GLRA3: variants seen among roughly 807,000 people sequenced by gnomAD.
The protein encoded by GLRA3 is glycine receptor alpha 3, also known as glycine receptor subunit alpha-3.
GLRA3 carries 44 observed loss-of-function variants against 60.4 expected under a neutral mutation model. That is an observed-to-expected ratio of 0.73 (90% CI 0.57 to 0.94). The LOEUF (loss-of-function observed/expected upper bound fraction) is 0.94. Among genes scored for constraint, GLRA3 ranks in the 40% least tolerant of loss-of-function variants. The pLI, the probability that GLRA3 is intolerant of heterozygous loss-of-function variation, is 0.00. For missense variants in GLRA3, 508 were observed against 564.6 expected (o/e 0.90, Z 1.02); for synonymous variants, 223 against 192.9 (o/e 1.16, Z -1.29).
At chr4:174,670,174 ATTTCT>A (rs1733849869) in intron 7 of GLRA3, among the ~76,000 whole-genome samples, 1 of 152,128 alleles carries the variant, frequency 6.6e-6, no homozygotes. Flanking sequence ...ACTTCCTGGC[ATTTCT>A]TAATATATTA....
At chr4:174,822,526 C>T (rs1484267062) in intron 1 of GLRA3, among the ~76,000 whole-genome samples, 1 of 152,084 alleles carries the variant, frequency 6.6e-6, no homozygotes. Flanking sequence ...GTAAACAAGT[C>T]CTTATCACTA....
chr4:174,689,636 A>G (rs1280794765), intron 5 of GLRA3, among the ~76,000 whole-genome samples: 1 of 151,716 alleles, frequency 6.6e-6, no homozygotes, highest in Non-Finnish European at 1.5e-5. Flanking sequence ...TATGTTCTGC[A>G]GCACTATCCA....
rs34329662 is a variant in GLRA3 at position 174,749,114 on chromosome 4, G to A, written c.267+17849C>T. Among the ~76,000 whole-genome samples, 1,058 of 152,064 alleles carry A rather than the reference G, an allele frequency of 7.0e-3. 4 individuals carry two copies. The highest frequency in any genetic ancestry group is 0.011 in the Non-Finnish European group (763 of 67,990). The stretch of plus-strand genomic sequence containing the variant: ...ATTATCTAGTAATAATTATAATTGC[G>A]GCTCAGTGACTGCTATTGTTTCTCG... On this transcript the variant is annotated intron_variant, in intron 3 of 9. Transcript: ENST00000274093.
intron 2 of GLRA3, among the ~76,000 whole-genome samples, chr4:174,785,555 T>C (rs1383618886): frequency 6.6e-6 from 1 of 152,216 alleles, no homozygotes; most frequent in Non-Finnish European, 1.5e-5. Flanking sequence ...TGTCTGATAA[T>C]GTCCATACTG....
intron 3 of GLRA3, among the ~76,000 whole-genome samples, chr4:174,746,910 G>T (rs1032983220): frequency 6.6e-6 from 1 of 152,008 alleles, no homozygotes; most frequent in Non-Finnish European, 1.5e-5. Context: ...AATTATTTTT[G>T]CACCAACCTA....
At chr4:174,691,253 T>C (rs192849509) in intron 5 of GLRA3, among the ~76,000 whole-genome samples, 1 of 152,326 alleles carries the variant, frequency 6.6e-6, no homozygotes, top group African/African-American at 2.4e-5. Flanking sequence ...TGTAAGATGG[T>C]ATCTCATTGT....
chr4:174,709,632 G>T (rs905775873), intron 5 of GLRA3, among the ~76,000 whole-genome samples: 2 of 152,056 alleles, frequency 1.3e-5, no homozygotes, highest in African/African-American at 4.8e-5. Flanking sequence ...TAAACAGTAT[G>T]TTGAACTTCT....
In GLRA3 at chr4:174,637,912, A is replaced by G. The variant is rs1488848305; in HGVS notation, c.*5874T>C. ...AATTAATTTTATATTTCATTATTTT[A>G]TAAGCCTGAAAATATCTCATCATTG... On this transcript the variant is annotated 3_prime_UTR_variant, in exon 10 of 10. Transcript: ENST00000274093. The G allele has an allele frequency of 1.3e-5, 2 of 152,166 alleles. No homozygotes were observed. The highest frequency in any genetic ancestry group is 2.9e-5 in the Non-Finnish European group (2 of 68,034). 9.4% of individuals were successfully genotyped at this position (152,166 alleles called of 1,614,324 possible).
chr4:174,801,164 C>A (rs969222772), intron 1 of GLRA3, among the ~76,000 whole-genome samples: 1 of 152,032 alleles, frequency 6.6e-6, no homozygotes, highest in African/African-American at 2.4e-5. Flanking sequence ...AGTTGAGCAA[C>A]ATCTGTATTT....
intron 3 of GLRA3, among the ~76,000 whole-genome samples, chr4:174,758,758 A>C (rs914517735): frequency 1.3e-5 from 2 of 152,158 alleles, no homozygotes; most frequent in African/African-American, 4.8e-5. Flanking sequence ...CTGCCTTTGC[A>C]AATTTCTTGT....
At chr4:174,771,108 G>A (rs13103847) in intron 2 of GLRA3, among the ~76,000 whole-genome samples, 1 of 150,018 alleles carries the variant, frequency 6.7e-6, no homozygotes, top group African/African-American at 2.5e-5. Context: ...GGGATGGATA[G>A]CATTAGGAGA....
At chr4:174,734,284 G>A (rs1736682069) in intron 3 of GLRA3, among the ~76,000 whole-genome samples, 1 of 152,146 alleles carries the variant, frequency 6.6e-6, no homozygotes, top group Non-Finnish European at 1.5e-5. Flanking sequence ...AGGTTCCCAT[G>A]CGTCAGGAAG....
intron 1 of GLRA3, among the ~76,000 whole-genome samples, chr4:174,790,708 C>T (rs562254986): frequency 4.7e-5 from 7 of 150,042 alleles, no homozygotes; most frequent in African/African-American, 9.8e-5. Context: ...TGGCCGGGTG[C>T]GGTGGCTCAC....
intron 3 of GLRA3, among the ~76,000 whole-genome samples, chr4:174,757,272 TACACACAC>T (rs10555003): frequency 4.6e-5 from 7 of 150,954 alleles, no homozygotes; most frequent in East Asian, 2.0e-4. Flanking sequence ...ATACAACATT[TACACACAC>T]ACACACACAC....
At chr4:174,734,451 G>C (rs11734759) in intron 3 of GLRA3, among the ~76,000 whole-genome samples, 2,685 of 152,260 alleles carry the variant, frequency 0.018, 35 homozygotes, top group Middle Eastern at 0.048. Context: ...TTGGGAAAGT[G>C]CCTTTCAATT....
chr4:174,717,262 G>A (rs1216718187), intron 4 of GLRA3, among the ~76,000 whole-genome samples: 1 of 136,912 alleles, frequency 7.3e-6, no homozygotes, highest in Non-Finnish European at 1.6e-5. Flanking sequence ...GGGAGGGAGG[G>A]AGGGAGAGAG....
In GLRA3 at chr4:174,659,179, T is replaced by C. The variant is rs144463868; in HGVS notation, c.946A>G (p.Ile316Val). Residue 316 changes from isoleucine (I) to valine (V), a missense_variant, in exon 8 of 10, where the codon ATT becomes GTT. Ile to Val is a conservative substitution (Grantham distance 29, BLOSUM62 3). Coordinates refer to ENST00000274093, the MANE Select transcript of GLRA3 (RefSeq NM_006529.4). ...AGGCATACTGCCATCCAAATATCAA[T>C]AGCTTTGACATATGAAACCTAGCCA... ...SLPKVSYVKA[I>V]DIWMAVCLLF... is the part of the protein sequence containing the mutation. 7.4e-6 allele frequency: 12 copies of C among 1,611,822 alleles called. No homozygotes were observed. The highest frequency in any genetic ancestry group is 1.7e-5 in the Admixed American group (1 of 59,892).
intron 5 of GLRA3, 70 bp from the exon 6 acceptor site, chr4:174,683,009 T>G: frequency 7.9e-7 from 1 of 1,263,538 alleles, no homozygotes; most frequent in Non-Finnish European, 1.1e-6. Context: ...GCAAATTACT[T>G]TATAGTCACA....
chr4:174,796,360 C>A (rs1324146907), intron 1 of GLRA3, among the ~76,000 whole-genome samples: 3 of 152,078 alleles, frequency 2.0e-5, no homozygotes, highest in Non-Finnish European at 4.4e-5. Flanking sequence ...GTTTTTGCAG[C>A]CTGAAAGGAC....
Sources: allele counts gnomAD v4.1 joint callset (sites outside exome capture counted in the v4.1 genomes callset), GRCh38; gene constraint gnomAD v4.1.1; transcripts MANE v1.5; gene names NCBI Gene and HGNC (gene_info 2026-07-23, HGNC 2026-07-21).